The following DENND1B variants were observed in gnomAD, a reference collection of about 807,000 sequenced individuals.
The protein encoded by DENND1B is DENN domain containing 1B.
Under a neutral mutation model 90.1 loss-of-function variants are expected in DENND1B, and 59 were observed. The ratio of observed to expected loss-of-function variants is 0.65; its 90% CI spans 0.53 to 0.81. The LOEUF (loss-of-function observed/expected upper bound fraction) is 0.81, where lower values mean the gene tolerates loss of function less well. Ranked by LOEUF, DENND1B falls within the 40% of genes least tolerant of loss-of-function variation. The pLI, the probability that DENND1B is intolerant of heterozygous loss-of-function variation, is 0.00. For missense variants in DENND1B, 862 were observed against 912.6 expected, an observed-to-expected ratio of 0.94 and a Z score of 0.71; for synonymous variants, 337 against 324.6, an observed-to-expected ratio of 1.04 and a Z score of -0.41.
chr1:197,649,636 C>A (rs1463309911), intron 7 of DENND1B, among the ~76,000 whole-genome samples: 1 of 152,044 alleles, frequency 6.6e-6, no homozygotes, highest in Admixed American at 6.6e-5. Flanking sequence ...CTCTTTTCAA[C>A]AAATGGTGCT....
At chr1:197,553,964 T>C (rs1193815868) in intron 15 of DENND1B, among the ~76,000 whole-genome samples, 8 of 152,074 alleles carry the variant, frequency 5.3e-5, no homozygotes, top group Non-Finnish European at 8.8e-5. Context: ...GAGACTATCT[T>C]CCATTGCCTG....
At chr1:197,594,077 C>A (rs1675475516) in intron 14 of DENND1B, among the ~76,000 whole-genome samples, 1 of 152,066 alleles carries the variant, frequency 6.6e-6, no homozygotes, top group South Asian at 2.1e-4. Flanking sequence ...CTGTATAGTA[C>A]TATGAATTAT....
intron 2 of DENND1B, among the ~76,000 whole-genome samples, chr1:197,721,763 C>G (rs1661203968): frequency 6.6e-6 from 1 of 152,042 alleles, no homozygotes; most frequent in African/African-American, 2.4e-5. Flanking sequence ...ATACCACTTA[C>G]AGCAGAAAAT....
At chr1:197,604,828 G>A (rs1326801939) in intron 13 of DENND1B, among the ~76,000 whole-genome samples, 1 of 151,010 alleles carries the variant, frequency 6.6e-6, no homozygotes, top group Non-Finnish European at 1.5e-5. Context: ...TGGGGCAGGG[G>A]AGCTTCTAAA....
At chr1:197,635,545 G>A (rs928780260) in intron 10 of DENND1B, among the ~76,000 whole-genome samples, 21 of 151,220 alleles carry the variant, frequency 1.4e-4, no homozygotes, top group African/African-American at 4.1e-4. Flanking sequence ...ACTACATTGC[G>A]CAGGCTATTC....
At position 197,595,287 on chromosome 1, in the gene DENND1B, C is replaced by T. The variant is rs763058330; in HGVS notation, c.968G>A (p.Gly323Asp). 5 of 1,613,154 alleles carry T rather than the reference C, an allele frequency of 3.1e-6. No homozygotes were observed. The African/African-American group carries it at 4.0e-5, about 13-fold the overall frequency. Reference sequence around the variant, plus strand: ...AAGAAAGGCCCTAGCTACTCCATCACCCGTAGCTGTAGACTGCTTCTTCAG... The same window carrying T: ...AAGAAAGGCCCTAGCTACTCCATCATCCGTAGCTGTAGACTGCTTCTTCAG... Reference protein sequence around the residue: ...NKLKKQSTATGDGVARAFLRA... With the variant: ...NKLKKQSTATDDGVARAFLRA... The change falls in exon 14 of 23, where the codon GGT becomes GAT. Residue 323 changes from glycine to aspartate, a missense_variant. Transcript: ENST00000620048.
intron 15 of DENND1B, among the ~76,000 whole-genome samples, chr1:197,574,606 G>A (rs779969588): frequency 6.6e-6 from 1 of 152,028 alleles, no homozygotes; most frequent in Non-Finnish European, 1.5e-5. Flanking sequence ...AAGTTCATAT[G>A]GAACCAAAAA....
intron 10 of DENND1B, among the ~76,000 whole-genome samples, chr1:197,619,279 T>C (rs1394937831): frequency 6.6e-6 from 1 of 151,292 alleles, no homozygotes; most frequent in East Asian, 2.0e-4. Flanking sequence ...TTTATTTATG[T>C]TACAAACTGC....
chr1:197,635,031 G>A (rs1345095151), intron 10 of DENND1B, among the ~76,000 whole-genome samples: 1 of 145,714 alleles, frequency 6.9e-6, no homozygotes. Context: ...AAGGAAGGAA[G>A]GAAGGAAGGG....
At chr1:197,606,743 T>C (rs1479528084) in intron 13 of DENND1B, 5 of 178,306 alleles carry the variant, frequency 2.8e-5, no homozygotes, top group South Asian at 3.2e-4. Flanking sequence ...TTGCAAGACA[T>C]GCCACTAGGC....
intron 3 of DENND1B, among the ~76,000 whole-genome samples, chr1:197,683,008 C>T (rs977293226): frequency 2.0e-5 from 3 of 152,000 alleles, no homozygotes; most frequent in African/African-American, 7.2e-5. Context: ...TAATTTACAT[C>T]AGTGGAAATC....
At chr1:197,597,758 G>C (rs2125815249) in intron 13 of DENND1B, among the ~76,000 whole-genome samples, 1 of 151,924 alleles carries the variant, frequency 6.6e-6, no homozygotes, top group East Asian at 1.9e-4. Context: ...GATCCCTGTG[G>C]ATGTGTAGAA....
intron 20 of DENND1B, among the ~76,000 whole-genome samples, chr1:197,536,143 A>AGG (rs1669872846): frequency 7.9e-6 from 1 of 126,762 alleles, no homozygotes; most frequent in South Asian, 2.9e-4. Flanking sequence ...AGAGATTGAG[A>AGG]GAGAGAGAGA....
chr1:197,724,588 T>C (rs1661462934), intron 2 of DENND1B, among the ~76,000 whole-genome samples: 1 of 152,094 alleles, frequency 6.6e-6, no homozygotes, highest in Admixed American at 6.6e-5. Context: ...AAATGGGTAA[T>C]TCAAAATTAC....
chr1:197,520,057 AGGTCCT>A (rs2125610253), intron 20 of DENND1B, among the ~76,000 whole-genome samples: 1 of 151,878 alleles, frequency 6.6e-6, no homozygotes, highest in East Asian at 1.9e-4. Context: ...CTGGACTTAC[AGGTCCT>A]GATAATGAAG....
Position 197,553,926 on chromosome 1 carries a change from T to C in DENND1B, c.1150-814A>G, listed in dbSNP as rs115642637. The stretch of plus-strand genomic sequence containing the variant: ...CTATCAAAAGCACCCGAAGATCTTT[T>C]TCGAAGTGCAGAAATCCAGATACCC... On this transcript the variant is annotated intron_variant, in intron 15 of 22. Coordinates refer to ENST00000620048, the MANE Select transcript of DENND1B (RefSeq NM_001195215.2). Among the ~76,000 whole-genome samples the C allele has an allele frequency of 5.9e-3, 895 of 152,164 alleles. 13 individuals carry two copies. Among genetic ancestry groups the C allele is most frequent in the African/African-American group, 0.02 (837 of 41,516 alleles).
intron 2 of DENND1B, among the ~76,000 whole-genome samples, chr1:197,770,278 A>G (rs139923373): frequency 2.6e-5 from 4 of 152,292 alleles, no homozygotes; most frequent in African/African-American, 9.6e-5. Context: ...CTAGATATAA[A>G]CTGTTAAAAT....
intron 6 of DENND1B, 114 bp from the exon 7 acceptor site, chr1:197,652,429 T>C (rs1653333535): frequency 2.7e-6 from 2 of 753,352 alleles, no homozygotes; most frequent in Non-Finnish European, 4.0e-6. Flanking sequence ...ATATTTTATA[T>C]AAATGTTTTC....
chr1:197,729,119 C>G (rs1193260139), intron 2 of DENND1B, among the ~76,000 whole-genome samples: 1 of 152,060 alleles, frequency 6.6e-6, no homozygotes, highest in Non-Finnish European at 1.5e-5. Flanking sequence ...TGAGACCTTC[C>G]CAAAATACTA....
Sources: allele counts gnomAD v4.1 joint callset (sites outside exome capture counted in the v4.1 genomes callset), GRCh38; gene constraint gnomAD v4.1.1; transcripts MANE v1.5; gene names NCBI Gene and HGNC (gene_info 2026-07-23, HGNC 2026-07-21).